Variants in PRKCZ observed in about 807,000 individuals in gnomAD.
PRKCZ encodes protein kinase C zeta.
Under a neutral mutation model 79.5 loss-of-function variants are expected in PRKCZ, and 33 were observed. The observed-to-expected ratio is 0.41, with a 90% confidence interval of 0.31 to 0.55. PRKCZ has a LOEUF of 0.55. PRKCZ is among the 20% of genes least tolerant of loss of function. The probability of loss-of-function intolerance (pLI) is 0.19; values close to 1 mark genes in which losing one functional copy is unlikely to be tolerated. For missense variants in PRKCZ, 578 were observed against 813.5 expected (o/e 0.71, Z 3.52); for synonymous variants, 342 against 320.9 (o/e 1.07, Z -0.70).
At chr1:2,154,247 G>A (rs188125678) in intron 9 of PRKCZ, among the ~76,000 whole-genome samples, 10 of 152,198 alleles carry the variant, frequency 6.6e-5, no homozygotes, top group African/African-American at 1.9e-4. Context: ...CTGGGGTGGC[G>A]TGAGATACCC....
chr1:2,107,868 C>T (rs1344754269), intron 4 of PRKCZ, among the ~76,000 whole-genome samples: 1 of 151,894 alleles, frequency 6.6e-6, no homozygotes, highest in African/African-American at 2.4e-5. Context: ...CGAGGGAGCC[C>T]CCAACACCCC....
intron 9 of PRKCZ, among the ~76,000 whole-genome samples, chr1:2,152,348 T>C (rs1300604699): frequency 1.3e-5 from 2 of 151,908 alleles, no homozygotes; most frequent in Non-Finnish European, 2.9e-5. Context: ...GCCTGAACAA[T>C]ATGGTGAAAC....
intron 5 of PRKCZ, among the ~76,000 whole-genome samples, chr1:2,138,658 C>T (rs905612826): frequency 2.6e-5 from 4 of 152,182 alleles, no homozygotes; most frequent in South Asian, 2.1e-4. Flanking sequence ...TCACAGGGCC[C>T]GGCGCAGTGG....
At chr1:2,093,778 C>T (rs1031184734) in intron 4 of PRKCZ, among the ~76,000 whole-genome samples, 2 of 152,174 alleles carry the variant, frequency 1.3e-5, no homozygotes, top group Non-Finnish European at 2.9e-5. Context: ...GTGCTGTGTA[C>T]GGTGCCTCCT....
rs1321232321 is a variant in PRKCZ, at chr1:2,123,525, CGGTGGTTAGGGTTGT to C, written c.335-11709_335-11695del. ...GTCGTGGCGGTGGTTAGGGTCGTGG[CGGTGGTTAGGGTTGT>C]GGTGGTTAGGGTTGTGGTGGTTAGG... On this transcript the variant is annotated intron_variant, in intron 4 of 17. Transcript: ENST00000378567. Among the ~76,000 whole-genome samples the C allele has an allele frequency of 1.3e-3, 5 of 3,948 alleles. 1 individual carries two copies. Among genetic ancestry groups the C allele is most frequent in the African/African-American group, 2.9e-3 (2 of 698 alleles). 2.6% of individuals were successfully genotyped at this position (3,948 alleles called of 152,430 possible). A position where few individuals can be genotyped will look rare whatever the true frequency, so the allele number is the denominator to read the frequency against.
intron 5 of PRKCZ, chr1:2,141,272 A>C (rs546293417): frequency 6.6e-6 from 1 of 151,878 alleles, no homozygotes; most frequent in Non-Finnish European, 1.5e-5. Context: ...GCCTGACCCC[A>C]GGTAAGGGTG....
chr1:2,097,894 T>C (rs1666795456), intron 4 of PRKCZ, among the ~76,000 whole-genome samples: 1 of 152,254 alleles, frequency 6.6e-6, no homozygotes. Flanking sequence ...GGTGGAGGTC[T>C]CATCCTAACG....
intron 9 of PRKCZ, among the ~76,000 whole-genome samples, chr1:2,151,583 G>A (rs1178204324): frequency 6.6e-6 from 1 of 152,226 alleles, no homozygotes; most frequent in Admixed American, 6.5e-5. Context: ...CTGAGCTGCC[G>A]TGGCTCTGTG....
chr1:2,080,367 G>A (rs903609549), intron 4 of PRKCZ, among the ~76,000 whole-genome samples: 3 of 120,708 alleles, frequency 2.5e-5, no homozygotes, highest in African/African-American at 2.2e-4. Context: ...TGGCAGGTGT[G>A]GACCAGCACG....
chr1:2,169,440 CGCTTCTGTGGG>C, intron 10 of PRKCZ, 67 bp from the exon 11 acceptor site: 1 of 1,306,760 alleles, frequency 7.7e-7, no homozygotes, highest in Non-Finnish European at 1.1e-6. Flanking sequence ...CCACGAAGGC[CGCTTCTGTGGG>C]GCTTCTGTCT....
At chr1:2,060,413 T>C (rs1243056572) in intron 4 of PRKCZ, among the ~76,000 whole-genome samples, 5 of 151,484 alleles carry the variant, frequency 3.3e-5, no homozygotes, top group South Asian at 2.1e-4. Flanking sequence ...GCCAAGAGGG[T>C]GAGTGGGCAG....
In PRKCZ at chr1:2,112,691, G is replaced by GTTGT. The variant is rs1553150908; in HGVS notation, c.335-22569_335-22568insGTTT. Among the ~76,000 whole-genome samples the GTTGT allele has an allele frequency of 3.2e-3, 476 of 146,494 alleles. 13 individuals are homozygous for GTTGT. The East Asian group carries it at 0.065, about 20-fold the overall frequency. On this transcript the variant is annotated intron_variant, in intron 4 of 17. Coordinates refer to ENST00000378567, the MANE Select transcript of PRKCZ (RefSeq NM_002744.6). The stretch of plus-strand genomic sequence containing the variant: ...TTTTGTTTGTTTGGTTGGTTGGTTG[G>GTTGT]TTTTTTTTTTTTTTGGAGACAGAGT...
chr1:2,065,971 A>G (rs1440640825), intron 4 of PRKCZ, among the ~76,000 whole-genome samples: 1 of 151,908 alleles, frequency 6.6e-6, no homozygotes, highest in Non-Finnish European at 1.5e-5. Context: ...ATTTTCATTC[A>G]TTGAACCATC....
intron 16 of PRKCZ, among the ~76,000 whole-genome samples, chr1:2,180,468 C>A (rs563118314): frequency 7.9e-5 from 12 of 151,468 alleles, no homozygotes; most frequent in Admixed American, 7.2e-4. Flanking sequence ...GCACGGACAC[C>A]CAGACGACGC....
At position 2,082,605 on chromosome 1, in the gene PRKCZ, C is replaced by T. The variant is rs1034060211; in HGVS notation, c.334+23014C>T. On this transcript the variant is annotated intron_variant, in intron 4 of 17. Transcript: ENST00000378567. The surrounding 1 kb of genome is among the most constrained non-coding windows in gnomAD (Gnocchi z 4.4). ...CTGGTGTAAATGCTCCCACCACGGCCGATTTCAGGCTGCCGAAGTGGAGGG... is the reference window on the plus strand; with the variant it reads ...CTGGTGTAAATGCTCCCACCACGGCTGATTTCAGGCTGCCGAAGTGGAGGG... 2 of 367,764 alleles carry T rather than the reference C, an allele frequency of 5.4e-6. No homozygotes were observed. The allele number at this position is 367,764 out of a possible 1,614,324, so 22.8% of individuals were successfully genotyped here.
chr1:2,150,801 A>G lies in PRKCZ; in HGVS notation c.699A>G (p.Pro233=), dbSNP rs369587391. Residue 233 remains proline, a synonymous_variant, in exon 9 of 18, where the codon CCA becomes CCG. Coordinates refer to ENST00000378567, the MANE Select transcript of PRKCZ (RefSeq NM_002744.6). ...TTCTCCCTCCCTAGGACCTTAAGCCAGTTATCGATGGGATGGATGGAATCA... is the reference window on the plus strand; with the variant it reads ...TTCTCCCTCCCTAGGACCTTAAGCCGGTTATCGATGGGATGGATGGAATCA... ...SIKDDSEDLK[P]VIDGMDGIKI... The G allele has an allele frequency of 6.2e-7, 1 of 1,613,866 alleles. No individual in the cohort carries two copies. The highest frequency in any genetic ancestry group is 2.2e-5 in the East Asian group (1 of 44,876).
At chr1:2,067,213 C>T (rs13303087) in intron 4 of PRKCZ, among the ~76,000 whole-genome samples, 13,630 of 152,220 alleles carry the variant, frequency 0.09, 717 homozygotes, top group South Asian at 0.14. Flanking sequence ...GAAAACGTCC[C>T]GTGTGCGTTG....
chr1:2,175,398 TA>T, intron 16 of PRKCZ, 85 bp downstream of exon 16: 1 of 931,252 alleles, frequency 1.1e-6, no homozygotes, highest in Non-Finnish European at 1.4e-6. Flanking sequence ...CCAACCCCAA[TA>T]TTCACCCAAC....
At chr1:2,171,725 G>A in intron 11 of PRKCZ, 1 of 301,582 alleles carries the variant, frequency 3.3e-6, no homozygotes, top group Non-Finnish European at 6.2e-6. Context: ...GCGCTGTTCT[G>A]CACTCCTACC....
Sources: gnomAD v4.1 joint callset for allele counts (sites outside exome capture counted in the v4.1 genomes callset) on GRCh38, gnomAD v4.1.1 for gene constraint, Gnocchi (gnomAD v3.1) non-coding constraint, MANE v1.5 for transcripts, NCBI Gene and HGNC (gene_info 2026-07-23, HGNC 2026-07-21) for gene names.